GSK3B: variants seen among roughly 807,000 people sequenced by gnomAD.
The protein encoded by GSK3B is glycogen synthase kinase-3 beta.
In GSK3B, 15 loss-of-function variants were observed where a neutral mutation model predicts 56.4. That is an observed-to-expected ratio of 0.27 (90% CI 0.18 to 0.41). The LOEUF (loss-of-function observed/expected upper bound fraction) is 0.41, where lower values mean the gene tolerates loss of function less well. Among genes scored for constraint, GSK3B ranks in the 10% least tolerant of loss-of-function variants. The pLI is 1.00. For missense variants in GSK3B, 300 were observed against 513.4 expected, an observed-to-expected ratio of 0.58 and a Z score of 4.02; for synonymous variants, 181 against 188.9, an observed-to-expected ratio of 0.96 and a Z score of 0.34.
At chr3:119,959,506 CTTTTTTTTTTTT>C (rs34702117) in intron 2 of GSK3B, among the ~76,000 whole-genome samples, 3 of 89,184 alleles carry the variant, frequency 3.4e-5, no homozygotes, top group South Asian at 4.9e-4. Flanking sequence ...TTCTCTCTGA[CTTTTTTTTTTTT>C]TTTTTTTTTT....
At chr3:119,902,347 G>C (rs2056633265) in intron 7 of GSK3B, among the ~76,000 whole-genome samples, 1 of 152,008 alleles carries the variant, frequency 6.6e-6, no homozygotes, top group African/African-American at 2.4e-5. Context: ...ATAGGAAGGA[G>C]GGAGGGAGGG....
chr3:119,999,523 T>C (rs2057655296), intron 2 of GSK3B, among the ~76,000 whole-genome samples: 1 of 152,238 alleles, frequency 6.6e-6, no homozygotes, highest in Non-Finnish European at 1.5e-5. Context: ...ATAGTAAGTA[T>C]CTGCTATCAT....
chr3:120,055,254 A>C (rs1252086353), intron 1 of GSK3B, among the ~76,000 whole-genome samples: 1 of 152,188 alleles, frequency 6.6e-6, no homozygotes, highest in Non-Finnish European at 1.5e-5. Flanking sequence ...CTAGTGAGTA[A>C]AGGGTCCCAA....
rs1001234673 is a variant in GSK3B at position 120,076,643 on chromosome 3, G to A, written c.88+16704C>T. 4.6e-4 allele frequency among the ~76,000 whole-genome samples: 70 copies of A among 151,380 alleles called. 1 individual carries two copies. Among genetic ancestry groups the A allele is most frequent in the Admixed American group, 2.1e-3 (32 of 15,200 alleles). On this transcript the variant is annotated intron_variant, in intron 1 of 10. Transcript: ENST00000264235. Reference sequence around the variant, plus strand: ...ATCCTGGCTAACACGGTGAAACCCCGTCTCTACTAAAAATACAAAAATTAG... The same window carrying A: ...ATCCTGGCTAACACGGTGAAACCCCATCTCTACTAAAAATACAAAAATTAG...
intron 2 of GSK3B, among the ~76,000 whole-genome samples, chr3:119,985,226 T>C (rs1026989687): frequency 6.6e-6 from 1 of 152,142 alleles, no homozygotes; most frequent in Non-Finnish European, 1.5e-5. Context: ...TCACAATCAA[T>C]ATCATACTGA....
intron 9 of GSK3B, among the ~76,000 whole-genome samples, chr3:119,845,185 A>T (rs552331595): frequency 6.6e-6 from 1 of 152,224 alleles, no homozygotes. Flanking sequence ...GCTATTTATG[A>T]CAAACCCACA....
chr3:120,019,547 T>C (rs564623249), intron 1 of GSK3B, among the ~76,000 whole-genome samples: 1 of 152,396 alleles, frequency 6.6e-6, no homozygotes, highest in East Asian at 1.9e-4. Context: ...TCCATTGTTC[T>C]TTCCTATCTT....
chr3:120,072,151 T>A (rs1424926357), intron 1 of GSK3B, among the ~76,000 whole-genome samples: 2 of 152,188 alleles, frequency 1.3e-5, no homozygotes. Flanking sequence ...ATCACAGGAT[T>A]TCACTGTAAA....
intron 1 of GSK3B, among the ~76,000 whole-genome samples, chr3:120,057,968 C>A (rs572626038): frequency 6.6e-6 from 1 of 152,046 alleles, no homozygotes; most frequent in Non-Finnish European, 1.5e-5. Context: ...CAATCAAAAT[C>A]TCTCTCTCCC....
At chr3:120,031,179 T>G (rs574995604) in intron 1 of GSK3B, among the ~76,000 whole-genome samples, 4 of 152,348 alleles carry the variant, frequency 2.6e-5, no homozygotes, top group South Asian at 4.1e-4. Context: ...ATAAAATAAT[T>G]TTTATATCAA....
At chr3:120,070,245 A>C (rs980061510) in intron 1 of GSK3B, among the ~76,000 whole-genome samples, 2 of 151,872 alleles carry the variant, frequency 1.3e-5, no homozygotes, top group Admixed American at 6.6e-5. Context: ...AAAAACAAAA[A>C]AAAAAAACAT....
intron 1 of GSK3B, among the ~76,000 whole-genome samples, chr3:120,008,168 T>C (rs1396042644): frequency 2.0e-5 from 3 of 152,078 alleles, no homozygotes; most frequent in Non-Finnish European, 2.9e-5. Flanking sequence ...GAATACAACT[T>C]ACAAGGGATG....
chr3:120,029,128 T>C (rs928614277), intron 1 of GSK3B: 24 of 720,240 alleles, frequency 3.3e-5, no homozygotes, highest in Non-Finnish European at 4.9e-6. Flanking sequence ...CCAGAGTTAT[T>C]TTGATGATAT....
chr3:120,027,555 G>T (rs375519569), intron 1 of GSK3B, among the ~76,000 whole-genome samples: 71 of 152,276 alleles, frequency 4.7e-4, no homozygotes, highest in African/African-American at 1.4e-3. Flanking sequence ...CAATCCAGAT[G>T]TCCAATAGCA....
At chr3:119,870,674 G>A (rs2056239609) in intron 8 of GSK3B, among the ~76,000 whole-genome samples, 1 of 152,202 alleles carries the variant, frequency 6.6e-6, no homozygotes, top group Admixed American at 6.5e-5. Flanking sequence ...GGGAGAGGAA[G>A]TGATTATTAT....
At chr3:119,925,150 A>C (rs762801177) in intron 3 of GSK3B, among the ~76,000 whole-genome samples, 9 of 152,018 alleles carry the variant, frequency 5.9e-5, no homozygotes, top group Non-Finnish European at 1.2e-4. Context: ...GCAACATGGC[A>C]AAACCCCATC....
chr3:119,995,677 G>A (rs2057609610), intron 2 of GSK3B, among the ~76,000 whole-genome samples: 1 of 151,434 alleles, frequency 6.6e-6, no homozygotes, highest in South Asian at 2.1e-4. Flanking sequence ...ACCCGCCTCG[G>A]CCTCCCAAAG....
chr3:119,839,535 T>C (rs1175989269), intron 10 of GSK3B, among the ~76,000 whole-genome samples: 1 of 152,168 alleles, frequency 6.6e-6, no homozygotes, highest in Non-Finnish European at 1.5e-5. Flanking sequence ...GACACAAATA[T>C]ACTTGACAGT....
chr3:120,081,245 T>G, intron 1 of GSK3B, among the ~76,000 whole-genome samples: 1 of 149,998 alleles, frequency 6.7e-6, no homozygotes, highest in African/African-American at 2.5e-5. Flanking sequence ...TATCATTCCT[T>G]CACATTTAAG....
Sources: allele counts gnomAD v4.1 joint callset (sites outside exome capture counted in the v4.1 genomes callset), GRCh38; gene constraint gnomAD v4.1.1; transcripts MANE v1.5; gene names NCBI Gene and HGNC (gene_info 2026-07-23, HGNC 2026-07-21).